The following TFR2 variants were observed in gnomAD, a reference collection of about 807,000 sequenced individuals.
TFR2 encodes the protein transferrin receptor 2, also known as transferrin receptor protein 2.
In TFR2, 64 loss-of-function variants were observed where a neutral mutation model predicts 91.9. The observed-to-expected ratio is 0.70, with a 90% CI of 0.57 to 0.86. The LOEUF (loss-of-function observed/expected upper bound fraction) is 0.86. TFR2 is among the 40% of genes least tolerant of loss of function. The pLI is 0.00. For missense variants in TFR2, 950 were observed against 1,080.5 expected (o/e 0.88, Z 1.69); for synonymous variants, 454 against 459.6 (o/e 0.99, Z 0.15).
At position 100,626,788 on chromosome 7, in the gene TFR2, C is replaced by G; in HGVS notation, c.2111G>C (p.Arg704Pro). ...SSEERDERLTRMYNVRIMRVE... is the reference protein window; with the variant it reads ...SSEERDERLTPMYNVRIMRVE... Reference sequence around the variant, plus strand: ...CCGCATTATGCGCACGTTGTACATGCGTGTCAGTCGCTCGTCTCTCTCCTC... The same window carrying G: ...CCGCATTATGCGCACGTTGTACATGGGTGTCAGTCGCTCGTCTCTCTCCTC... Residue 704 changes from arginine (R) to proline (P), a missense_variant, in exon 17 of 18, where the codon CGC (arginine) becomes CCC (proline). Transcript: ENST00000223051. 6.5e-7 allele frequency: 1 copy of G among 1,547,676 alleles called. No individual in the cohort carries two copies. Among genetic ancestry groups the G allele is most frequent in the Non-Finnish European group, 8.7e-7 (1 of 1,146,890 alleles).
At chr7:100,638,441 G>A (rs1267981575) in intron 3 of TFR2, among the ~76,000 whole-genome samples, 1 of 149,094 alleles carries the variant, frequency 6.7e-6, no homozygotes, top group Non-Finnish European at 1.5e-5. Flanking sequence ...GGGAGACCTC[G>A]TTTCTACTAA....
Position 100,620,672 on chromosome 7 carries a change from G to A in TFR2, c.*185C>T. On this transcript the variant is annotated 3_prime_UTR_variant, in exon 18 of 18. Coordinates refer to ENST00000223051, the MANE Select transcript of TFR2 (RefSeq NM_003227.4). The stretch of plus-strand genomic sequence containing the variant: ...CCGTCACATTAGGGTCAGCTACACT[G>A]CAGGGCTGGGGTGTGTGGATATCTG... The A allele has an allele frequency of 5.5e-6, 4 of 728,980 alleles. No individual in the cohort carries two copies. Among genetic ancestry groups the A allele is most frequent in the Non-Finnish European group, 9.0e-6 (4 of 443,624 alleles). The allele number at this position is 728,980 out of a possible 1,614,324, so 45.2% of individuals were successfully genotyped here.
At chr7:100,621,805 C>G (rs1803120050) in intron 17 of TFR2, among the ~76,000 whole-genome samples, 1 of 152,164 alleles carries the variant, frequency 6.6e-6, no homozygotes, top group African/African-American at 2.4e-5. Context: ...AGCTGCTGTT[C>G]CGTCTTTCCT....
At chr7:100,622,223 C>A (rs571265736) in intron 17 of TFR2, among the ~76,000 whole-genome samples, 1 of 152,180 alleles carries the variant, frequency 6.6e-6, no homozygotes, top group Non-Finnish European at 1.5e-5. Flanking sequence ...TTTAAGGCCT[C>A]CATCATTCAC....
intron 8 of TFR2, 164 bp downstream of exon 8, chr7:100,631,642 G>C (rs761775730): frequency 1.2e-5 from 11 of 908,116 alleles, no homozygotes; most frequent in Non-Finnish European, 1.1e-5. Context: ...AAAAAGGTCA[G>C]GGTCTCTCTG....
At chr7:100,632,745 T>TC in intron 6 of TFR2, 1 of 350,752 alleles carries the variant, frequency 2.9e-6, no homozygotes. Flanking sequence ...AACCTTTTTT[T>TC]TTTTTTTTTT....
intron 3 of TFR2, chr7:100,640,372 G>A (rs986898739): frequency 4.1e-5 from 15 of 362,316 alleles, no homozygotes; most frequent in South Asian, 2.3e-4. Context: ...AAATCTAGGC[G>A]CCTGGGTGAG....
At chr7:100,632,717 TAAAA>T (rs35124485) in intron 6 of TFR2, 108 of 204,544 alleles carry the variant, frequency 5.3e-4, no homozygotes, top group Middle Eastern at 1.9e-3. Flanking sequence ...CCCAGCTAAC[TAAAA>T]AAAAAAAAAA....
At position 100,621,095 on chromosome 7, in the gene TFR2, G is replaced by A. The variant is rs1320849993; in HGVS notation, c.2168C>T (p.Ser723Leu). 15 of 1,537,738 alleles carry A rather than the reference G, an allele frequency of 9.8e-6. No individual in the cohort carries two copies. Among genetic ancestry groups the A allele is most frequent in the South Asian group, 1.2e-5 (1 of 83,448 alleles). Reference protein sequence around the residue: ...VEFYFLSQYVSPADSPFRHIF... With the variant: ...VEFYFLSQYVLPADSPFRHIF... ...GTGGCGGAACGGGGAGTCGGCTGGC[G>A]ACACGTACTGGGAAAGGAAGTAGAA... Residue 723 changes from serine (S) to leucine (L), a missense_variant, in exon 18 of 18, where the codon TCG becomes TTG. By Grantham distance (145) the Ser-to-Leu change is moderately radical (BLOSUM62 -2). Transcript: ENST00000223051.
intron 3 of TFR2, 141 bp downstream of exon 3, chr7:100,640,545 C>T (rs541836109): frequency 2.1e-6 from 2 of 932,344 alleles, no homozygotes; most frequent in South Asian, 1.6e-5. Flanking sequence ...GACCGCTGAA[C>T]AGGGGGGCCA....
intron 9 of TFR2, 103 bp from the exon 10 acceptor site, chr7:100,629,475 C>T (rs2131315186): frequency 6.3e-7 from 1 of 1,587,958 alleles, no homozygotes; most frequent in East Asian, 2.3e-5. Context: ...TTCCGGCAAC[C>T]CTAGCCCTGC....
In TFR2 at chr7:100,628,210, G is replaced by T. The variant is rs374113312; in HGVS notation, c.1473+14C>A. Reference sequence around the variant, plus strand: ...TCCCCAATGCCTAACGACCTGCCCGGGACCCCGTATCACCTCTAGCCACTC... The same window carrying T: ...TCCCCAATGCCTAACGACCTGCCCGTGACCCCGTATCACCTCTAGCCACTC... On this transcript the variant is annotated intron_variant, in intron 11 of 17. Coordinates refer to ENST00000223051, the MANE Select transcript of TFR2 (RefSeq NM_003227.4). 2 of 1,612,346 alleles carry T rather than the reference G, an allele frequency of 1.2e-6. No homozygotes were observed. The highest frequency in any genetic ancestry group is 1.7e-6 in the Non-Finnish European group (2 of 1,179,200).
At position 100,633,207 on chromosome 7, in the gene TFR2, G is replaced by A. The variant is rs2131320366; in HGVS notation, c.726+22C>T. ...AGGGCTCGTGCCGCGCCCCATCCTAGGAGCGGGCAGGGGGTGCTCACCGTG... is the reference window on the plus strand; with the variant it reads ...AGGGCTCGTGCCGCGCCCCATCCTAAGAGCGGGCAGGGGGTGCTCACCGTG... On this transcript the variant is annotated intron_variant, in intron 5 of 17. Transcript: ENST00000223051. 2.5e-6 allele frequency: 4 copies of A among 1,613,448 alleles called. No homozygotes were observed. The South Asian group carries it at 4.4e-5, about 18-fold the overall frequency.
chr7:100,632,683 G>A, intron 6 of TFR2: 1 of 362,592 alleles, frequency 2.8e-6, no homozygotes, highest in Non-Finnish European at 5.1e-6. Flanking sequence ...CGGAGTAGCT[G>A]GGACCACATG....
In TFR2 at chr7:100,632,220, G is replaced by A. The variant is rs375736078; in HGVS notation, c.850-22C>T. 22 of 1,608,660 alleles carry A rather than the reference G, an allele frequency of 1.4e-5. No individual in the cohort carries two copies. The South Asian group carries it at 2.0e-4, about 14-fold the overall frequency. ...TCACCTGGGGAGGAAGGTGACTAGA[G>A]GACTCCTCCCAGAAAAAAACCCGAT... On this transcript the variant is annotated intron_variant, in intron 6 of 17. Transcript: ENST00000223051.
intron 10 of TFR2, 125 bp from the exon 11 acceptor site, chr7:100,628,431 AC>A (rs1803330836): frequency 1.1e-6 from 1 of 941,860 alleles, no homozygotes. Context: ...ACAGGATCTC[AC>A]TCTCTCGCCC....
chr7:100,636,136 C>A (rs1266857490), intron 3 of TFR2, among the ~76,000 whole-genome samples: 1 of 150,844 alleles, frequency 6.6e-6, no homozygotes, highest in Non-Finnish European at 1.5e-5. Context: ...CACCTCCAGT[C>A]CAGGCACTCC....
chr7:100,631,120 C>T (rs541365900), intron 8 of TFR2, 68 bp from the exon 9 acceptor site: 73 of 1,425,242 alleles, frequency 5.1e-5, no homozygotes, highest in African/African-American at 4.0e-4. Flanking sequence ...TCACTCTTTT[C>T]CTTATTTCTT....
chr7:100,630,874 G>A lies in TFR2; in HGVS notation c.1270+15C>T, dbSNP rs200597967. On this transcript the variant is annotated intron_variant, in intron 9 of 17. Coordinates refer to ENST00000223051, the MANE Select transcript of TFR2 (RefSeq NM_003227.4). ...CCCACCACCAGCTGTGAGTGATACT[G>A]GACACACAGCATACCTGGCTCTGAG... The A allele has an allele frequency of 6.5e-5, 105 of 1,612,246 alleles. No individual in the cohort carries two copies. The African/African-American group carries it at 1.3e-3, about 20-fold the overall frequency.
Sources: gnomAD v4.1 joint callset for allele counts (sites outside exome capture counted in the v4.1 genomes callset) on GRCh38, gnomAD v4.1.1 for gene constraint, MANE v1.5 for transcripts, NCBI Gene and HGNC (gene_info 2026-07-23, HGNC 2026-07-21) for gene names.